FAM227B: variants seen among roughly 807,000 people sequenced by gnomAD.
The protein encoded by FAM227B is family with sequence similarity 227 member B.
Under a neutral mutation model 73.8 loss-of-function variants are expected in FAM227B, and 88 were observed. That is an observed-to-expected ratio of 1.19 (90% CI 1.00 to 1.42). FAM227B has a LOEUF of 1.42. FAM227B is among the 40% of genes most tolerant of loss of function. The probability of loss-of-function intolerance (pLI) is 0.00; values close to 1 mark genes in which losing one functional copy is unlikely to be tolerated. For missense variants in FAM227B, 632 were observed against 590.9 expected, an observed-to-expected ratio of 1.07 and a Z score of -0.72; for synonymous variants, 210 against 190.5, an observed-to-expected ratio of 1.10 and a Z score of -0.84.
At chr15:49,343,434 T>G (rs1283667197) in intron 13 of FAM227B, among the ~76,000 whole-genome samples, 1 of 152,170 alleles carries the variant, frequency 6.6e-6, no homozygotes, top group East Asian at 1.9e-4. Context: ...TTTAGGAGTT[T>G]CTTTGTGTTG....
chr15:49,330,614 A>T (rs536677415), intron 15 of FAM227B: 1 of 152,116 alleles, frequency 6.6e-6, no homozygotes, highest in African/African-American at 2.4e-5. Flanking sequence ...TTTCCCTGAC[A>T]CTCAAATCAT....
chr15:49,420,936 G>C (rs2049575605), intron 11 of FAM227B, among the ~76,000 whole-genome samples: 1 of 152,246 alleles, frequency 6.6e-6, no homozygotes, highest in Middle Eastern at 3.4e-3. Flanking sequence ...TCGATCTCCT[G>C]ACTTTGTGAT....
In FAM227B at chr15:49,399,360, G is replaced by C. The variant is rs995637558; in HGVS notation, c.1013-27961C>G. The stretch of plus-strand genomic sequence containing the variant: ...TCTGAAATTGTAGCAATAATCAATA[G>C]CTTACCAACCAAAAAGAGTCCAGGA... On this transcript the variant is annotated intron_variant, in intron 11 of 15. Coordinates refer to ENST00000299338, the MANE Select transcript of FAM227B (RefSeq NM_152647.3). Among the ~76,000 whole-genome samples the C allele has an allele frequency of 1.0e-3, 154 of 149,732 alleles. 1 individual carries two copies. The highest frequency in any genetic ancestry group is 3.7e-3 in the African/African-American group (151 of 40,632).
At chr15:49,531,839 TAAG>T (rs760770620) in intron 10 of FAM227B, among the ~76,000 whole-genome samples, 21 of 151,882 alleles carry the variant, frequency 1.4e-4, no homozygotes, top group Non-Finnish European at 2.6e-4. Flanking sequence ...TTCATTTCCT[TAAG>T]AAGGCAAATA....
chr15:49,498,878 C>T (rs1026573333), intron 11 of FAM227B, among the ~76,000 whole-genome samples: 2 of 152,148 alleles, frequency 1.3e-5, no homozygotes, highest in Non-Finnish European at 2.9e-5. Context: ...CAAAGAAGGG[C>T]ATTACAGGCC....
chr15:49,435,881 T>A (rs1257552513), intron 11 of FAM227B, among the ~76,000 whole-genome samples: 2 of 151,608 alleles, frequency 1.3e-5, no homozygotes, highest in Admixed American at 1.3e-4. Context: ...AATCTTACAA[T>A]GTACAACTGG....
At chr15:49,585,027 G>A (rs547884446) in intron 5 of FAM227B, among the ~76,000 whole-genome samples, 52 of 152,138 alleles carry the variant, frequency 3.4e-4, no homozygotes, top group African/African-American at 7.5e-4. Flanking sequence ...AAAAGTGGGC[G>A]AAGGATATGA....
chr15:49,347,230 T>C (rs574528420), intron 13 of FAM227B, among the ~76,000 whole-genome samples: 94 of 152,324 alleles, frequency 6.2e-4, no homozygotes, highest in African/African-American at 2.2e-3. Context: ...GTATTAGGCA[T>C]GGAGACACAA....
intron 15 of FAM227B, chr15:49,330,950 G>A (rs936411635): frequency 3.9e-5 from 6 of 152,224 alleles, no homozygotes; most frequent in Non-Finnish European, 8.8e-5. Flanking sequence ...GACAGAGTGA[G>A]ACCCTGTTTC....
chr15:49,490,375 T>C (rs565602525), intron 11 of FAM227B, among the ~76,000 whole-genome samples: 107 of 152,124 alleles, frequency 7.0e-4, no homozygotes, highest in Admixed American at 3.9e-3. Context: ...TGTTAAAATA[T>C]ATTTCAGATC....
intron 3 of FAM227B, among the ~76,000 whole-genome samples, chr15:49,608,470 A>G (rs1182723578): frequency 4.6e-5 from 7 of 152,088 alleles, no homozygotes; most frequent in African/African-American, 1.7e-4. Flanking sequence ...CCAAAGCCCA[A>G]GAGACAATGC....
At chr15:49,574,515 C>CAA in intron 8 of FAM227B, among the ~76,000 whole-genome samples, 1 of 152,294 alleles carries the variant, frequency 6.6e-6, no homozygotes, top group Non-Finnish European at 1.5e-5. Context: ...AAGAAGGTGC[C>CAA]TGCTTCCCTT....
intron 11 of FAM227B, chr15:49,485,483 A>T (rs887685925): frequency 6.6e-6 from 1 of 151,440 alleles, no homozygotes; most frequent in African/African-American, 2.4e-5. Context: ...TAAAAAAAAA[A>T]CCTTAATAAG....
At chr15:49,364,758 C>G (rs1267075085) in intron 13 of FAM227B, among the ~76,000 whole-genome samples, 3 of 151,996 alleles carry the variant, frequency 2.0e-5, no homozygotes, top group Non-Finnish European at 4.4e-5. Flanking sequence ...TACAGTAAAA[C>G]CCATTCAGAA....
chr15:49,371,430 T>A, intron 11 of FAM227B, 31 bp from the exon 12 acceptor site: 5 of 1,358,898 alleles, frequency 3.7e-6, no homozygotes, highest in Non-Finnish European at 5.1e-6. Flanking sequence ...CTTTTTAAAA[T>A]TCTGGTATTT....
chr15:49,457,623 A>G (rs2053430697), intron 11 of FAM227B, among the ~76,000 whole-genome samples: 1 of 151,990 alleles, frequency 6.6e-6, no homozygotes, highest in East Asian at 1.9e-4. Flanking sequence ...TTGAAAAATG[A>G]GTCTATAAAA....
intron 3 of FAM227B, among the ~76,000 whole-genome samples, chr15:49,590,383 C>CCAATTAT (rs2076451496): frequency 3.3e-5 from 5 of 152,018 alleles, no homozygotes; most frequent in Non-Finnish European, 7.4e-5. Context: ...CCAATTATGC[C>CCAATTAT]CTTTATAGCA....
chr15:49,585,967 A>G (rs2076135488), intron 5 of FAM227B, among the ~76,000 whole-genome samples: 1 of 152,222 alleles, frequency 6.6e-6, no homozygotes, highest in Admixed American at 6.5e-5. Flanking sequence ...AGCAATATGT[A>G]GATTCAATGC....
At chr15:49,415,587 T>A (rs1446605119) in intron 11 of FAM227B, among the ~76,000 whole-genome samples, 2 of 152,180 alleles carry the variant, frequency 1.3e-5, no homozygotes, top group African/African-American at 2.4e-5. Context: ...TGTATCACAA[T>A]TCAGTAAATT....
Sources: gnomAD v4.1 joint callset for allele counts (sites outside exome capture counted in the v4.1 genomes callset) on GRCh38, gnomAD v4.1.1 for gene constraint, MANE v1.5 for transcripts, NCBI Gene and HGNC (gene_info 2026-07-23, HGNC 2026-07-21) for gene names.